The following EXOC4 variants were observed in gnomAD, a reference collection of about 807,000 sequenced individuals.
EXOC4 encodes the protein exocyst complex component 4.
EXOC4 carries 71 observed loss-of-function variants against 107.2 expected under a neutral mutation model. The observed-to-expected ratio is 0.66, with a 90% confidence interval of 0.55 to 0.81. The LOEUF (loss-of-function observed/expected upper bound fraction) is 0.81, where lower values mean the gene tolerates loss of function less well. EXOC4 is among the 30% of genes least tolerant of loss of function. The pLI, the probability that EXOC4 is intolerant of heterozygous loss-of-function variation, is 0.00. For missense variants in EXOC4, 1,108 were observed against 1,189.6 expected (o/e 0.93, Z 1.01); for synonymous variants, 456 against 441.2 (o/e 1.03, Z -0.42).
intron 11 of EXOC4, among the ~76,000 whole-genome samples, chr7:133,843,339 T>A (rs1798059582): frequency 6.6e-6 from 1 of 152,222 alleles, no homozygotes; most frequent in Admixed American, 6.5e-5. Flanking sequence ...CATCTCTGAT[T>A]TCTTTGTGCA....
At chr7:133,504,721 GAATAGATATTTATTA>G (rs1259697152) in intron 9 of EXOC4, among the ~76,000 whole-genome samples, 3 of 151,992 alleles carry the variant, frequency 2.0e-5, no homozygotes, top group African/African-American at 7.2e-5. Flanking sequence ...GATTATATCT[GAATAGATATTTATTA>G]AATATATATT....
Position 133,949,710 on chromosome 7 carries a change from A to G in EXOC4, c.2206+11641A>G, listed in dbSNP as rs181364541. The stretch of plus-strand genomic sequence containing the variant: ...AACAGTCCCTCTAATAGAGTATTTT[A>G]TCATGCCGGACAGTCTCTGCATTGT... On this transcript the variant is annotated intron_variant, in intron 14 of 17. Transcript: ENST00000253861. Among the ~76,000 whole-genome samples, 884 of 148,838 alleles carry G rather than the reference A, an allele frequency of 5.9e-3. 5 individuals are homozygous for G. Among genetic ancestry groups the G allele is most frequent in the Middle Eastern group, 0.02 (6 of 294 alleles).
At chr7:133,402,647 C>G (rs553791275) in intron 7 of EXOC4, among the ~76,000 whole-genome samples, 1 of 152,042 alleles carries the variant, frequency 6.6e-6, no homozygotes, top group Non-Finnish European at 1.5e-5. Flanking sequence ...TATAGGCATG[C>G]GCTACCACAC....
intron 5 of EXOC4, among the ~76,000 whole-genome samples, chr7:133,332,068 C>T (rs1795407253): frequency 6.6e-6 from 1 of 152,098 alleles, no homozygotes; most frequent in Admixed American, 6.6e-5. Flanking sequence ...TGGCAAACTG[C>T]CTTTGGAACA....
intron 10 of EXOC4, among the ~76,000 whole-genome samples, chr7:133,699,043 A>T (rs997174816): frequency 2.6e-5 from 4 of 152,330 alleles, no homozygotes; most frequent in Admixed American, 6.5e-5. Context: ...TTAGAATCAC[A>T]TTGATAGATA....
chr7:133,762,626 T>G (rs1043507320), intron 10 of EXOC4, among the ~76,000 whole-genome samples: 1 of 152,016 alleles, frequency 6.6e-6, no homozygotes, highest in Non-Finnish European at 1.5e-5. Flanking sequence ...CAGCAGAAAA[T>G]GGAAAACAAA....
At chr7:133,308,697 T>C (rs1195246517) in intron 4 of EXOC4, among the ~76,000 whole-genome samples, 2 of 152,166 alleles carry the variant, frequency 1.3e-5, no homozygotes, top group Non-Finnish European at 2.9e-5. Flanking sequence ...TGAAAGAATT[T>C]AAGGTAAAAT....
intron 9 of EXOC4, among the ~76,000 whole-genome samples, chr7:133,512,899 A>C (rs553368068): frequency 6.6e-6 from 1 of 152,258 alleles, no homozygotes; most frequent in African/African-American, 2.4e-5. Flanking sequence ...TGAGGCCAGA[A>C]ATTCGAGACC....
chr7:133,641,008 T>C (rs1802841445), intron 10 of EXOC4, among the ~76,000 whole-genome samples: 1 of 152,076 alleles, frequency 6.6e-6, no homozygotes, highest in African/African-American at 2.4e-5. Context: ...ATACCTGGCG[T>C]AAGTCAATGT....
At chr7:133,473,040 A>C (rs1053025921) in intron 7 of EXOC4, among the ~76,000 whole-genome samples, 8 of 152,222 alleles carry the variant, frequency 5.3e-5, no homozygotes, top group African/African-American at 1.4e-4. Flanking sequence ...GATGTTAACC[A>C]TCTGAAATAT....
rs747463580 is a variant in EXOC4, at chr7:133,817,374, T to C, written c.1564T>C (p.Cys522Arg). The C allele has an allele frequency of 1.5e-5, 25 of 1,614,038 alleles. 1 individual carries two copies. The highest frequency in any genetic ancestry group is 2.0e-5 in the Non-Finnish European group (24 of 1,180,010). ...HALGLGPAKQ[C>R]PLREFLTVYI... is the part of the protein sequence containing the mutation. ...TCTGGGTCTTGGCCCAGCCAAACAG[T>C]GTCCTCTTCGAGAGTTTCTCACCGT... The change falls in exon 11 of 18, where the codon TGT becomes CGT. Residue 522 changes from cysteine to arginine, a missense_variant. Physicochemically the swap from Cys to Arg is radical, Grantham distance 180. Transcript: ENST00000253861.
At chr7:133,694,519 C>A (rs1794490616) in intron 10 of EXOC4, among the ~76,000 whole-genome samples, 1 of 152,156 alleles carries the variant, frequency 6.6e-6, no homozygotes, top group South Asian at 2.1e-4. Context: ...AATTGTCTAC[C>A]TTTGGTCTAA....
chr7:133,435,561 CT>C (rs962585321), intron 7 of EXOC4, among the ~76,000 whole-genome samples: 6 of 152,168 alleles, frequency 3.9e-5, no homozygotes, highest in African/African-American at 1.4e-4. Flanking sequence ...CATTTTGCCC[CT>C]GGAAATGTCC....
intron 12 of EXOC4, among the ~76,000 whole-genome samples, chr7:133,902,333 C>G (rs1799470954): frequency 6.6e-6 from 1 of 152,066 alleles, no homozygotes; most frequent in Admixed American, 6.5e-5. Context: ...TTTTTTTGAT[C>G]TCAATAACCA....
At chr7:133,960,482 T>A in intron 14 of EXOC4, among the ~76,000 whole-genome samples, 1 of 151,988 alleles carries the variant, frequency 6.6e-6, no homozygotes, top group South Asian at 2.1e-4. Flanking sequence ...GGTCTTGGAC[T>A]TTTTTTTGTT....
At chr7:133,748,534 G>T (rs1795723415) in intron 10 of EXOC4, among the ~76,000 whole-genome samples, 1 of 152,118 alleles carries the variant, frequency 6.6e-6, no homozygotes, top group South Asian at 2.1e-4. Context: ...AGGACTTATG[G>T]AACCTTAGCA....
intron 5 of EXOC4, among the ~76,000 whole-genome samples, chr7:133,328,461 C>T (rs1008606521): frequency 1.3e-5 from 2 of 152,116 alleles, no homozygotes; most frequent in Admixed American, 6.6e-5. Flanking sequence ...TGAATTTGAT[C>T]CTGTCATTAG....
intron 10 of EXOC4, chr7:133,768,101 A>G (rs529358491): frequency 2.0e-5 from 3 of 152,130 alleles, no homozygotes; most frequent in African/African-American, 7.2e-5. Context: ...CGTGTAAACA[A>G]AAACCTCTGC....
At chr7:133,337,342 A>G (rs1033341303) in intron 5 of EXOC4, among the ~76,000 whole-genome samples, 2 of 152,076 alleles carry the variant, frequency 1.3e-5, no homozygotes, top group African/African-American at 2.4e-5. Flanking sequence ...CATTGGGACT[A>G]TTTGGAGTCT....
Sources: allele counts gnomAD v4.1 joint callset (sites outside exome capture counted in the v4.1 genomes callset), GRCh38; gene constraint gnomAD v4.1.1; transcripts MANE v1.5; gene names NCBI Gene and HGNC (gene_info 2026-07-23, HGNC 2026-07-21).